The following IRAK1BP1 variants were observed in gnomAD, a reference collection of about 807,000 sequenced individuals.
IRAK1BP1 encodes interleukin 1 receptor associated kinase 1 binding protein 1.
In IRAK1BP1, 24 loss-of-function variants were observed where a neutral mutation model predicts 28.0. That is an observed-to-expected ratio of 0.86 (90% CI 0.62 to 1.20). IRAK1BP1 has a LOEUF of 1.20. Among genes scored for constraint, IRAK1BP1 ranks in the 50% most tolerant of loss-of-function variants. The pLI is 0.00. For missense variants in IRAK1BP1, 336 were observed against 316.7 expected (o/e 1.06, Z -0.46); for synonymous variants, 131 against 116.3 (o/e 1.13, Z -0.81).
intron 1 of IRAK1BP1, among the ~76,000 whole-genome samples, chr6:78,878,103 G>T (rs751457224): frequency 6.6e-6 from 1 of 152,164 alleles, no homozygotes; most frequent in Non-Finnish European, 1.5e-5. Context: ...AGAAACTTCT[G>T]CAGACTTAAA....
chr6:78,956,421 T>G, the IRAK1BP1 span: 11 of 152,272 alleles, frequency 7.2e-5, no homozygotes, highest in African/African-American at 2.6e-4. Flanking sequence ...CAATCTGCTA[T>G]TTATGCTTTT....
the IRAK1BP1 span, among the ~76,000 whole-genome samples, chr6:78,965,154 T>C: frequency 6.6e-6 from 1 of 152,208 alleles, no homozygotes; most frequent in Non-Finnish European, 1.5e-5. Context: ...TGAGCTCTTA[T>C]ATGTGTCAGG....
rs1233847553 is a variant in IRAK1BP1, at chr6:78,898,766, G to A, written c.*432G>A. 1 of 151,832 alleles carries A rather than the reference G, an allele frequency of 6.6e-6. No homozygotes were observed. Among genetic ancestry groups the A allele is most frequent in the Non-Finnish European group, 1.5e-5 (1 of 67,924 alleles). 9.4% of individuals were successfully genotyped at this position (151,832 alleles called of 1,614,324 possible). On this transcript the variant is annotated 3_prime_UTR_variant, in exon 4 of 4. Coordinates refer to ENST00000369940, the MANE Select transcript of IRAK1BP1 (RefSeq NM_001010844.4). Reference sequence around the variant, plus strand: ...ATAAGTTAGCTAAATTTTTTAAATTGTAAGACAAAATTTTTATGGAAAAGA... The same window carrying A: ...ATAAGTTAGCTAAATTTTTTAAATTATAAGACAAAATTTTTATGGAAAAGA...
chr6:78,941,932 G>A (rs1178691864), intron 4 of IRAK1BP1, among the ~76,000 whole-genome samples: 1 of 152,066 alleles, frequency 6.6e-6, no homozygotes, highest in African/African-American at 2.4e-5. Context: ...TAAACCTGAA[G>A]GATCTGGAGA....
the IRAK1BP1 span, among the ~76,000 whole-genome samples, chr6:78,964,223 TA>T: frequency 6.2e-3 from 943 of 151,390 alleles, 7 homozygotes; most frequent in African/African-American, 0.018. Flanking sequence ...AGCAGTGAGA[TA>T]AAAAAAAATA....
At chr6:78,973,306 A>C in the IRAK1BP1 span, among the ~76,000 whole-genome samples, 1,579 of 151,006 alleles carry the variant, frequency 0.01, 16 homozygotes, top group African/African-American at 0.03. Context: ...GAAATAAAAT[A>C]CTTTACAGAC....
At chr6:78,974,455 C>G in the IRAK1BP1 span, among the ~76,000 whole-genome samples, 1 of 151,566 alleles carries the variant, frequency 6.6e-6, no homozygotes, top group Non-Finnish European at 1.5e-5. Flanking sequence ...CCTAACATCA[C>G]AATTAAAAGA....
chr6:78,947,766 C>G (rs749705633), downstream of IRAK1BP1: 1 of 1,606,936 alleles, frequency 6.2e-7, no homozygotes, highest in Non-Finnish European at 8.5e-7. Context: ...TCAATGATGT[C>G]TCTGTAGTCC....
the IRAK1BP1 span, among the ~76,000 whole-genome samples, chr6:78,964,650 G>A: frequency 5.3e-5 from 8 of 151,916 alleles, no homozygotes; most frequent in East Asian, 1.9e-4. Flanking sequence ...ACGCCACCAC[G>A]CCAGGCTAAT....
Position 78,889,116 on chromosome 6 carries a change from C to CAAA in IRAK1BP1, c.381+3689_381+3691dup, listed in dbSNP as rs201870779. On this transcript the variant is annotated intron_variant, in intron 2 of 3. Coordinates refer to ENST00000369940, the MANE Select transcript of IRAK1BP1 (RefSeq NM_001010844.4). ...TGGGCAACAGAGTGAGACTCTGTCT[C>CAAA]AAAAAAAAAAAAAAAAAAGAAAGAA... Among the ~76,000 whole-genome samples, 112 of 78,726 alleles carry CAAA rather than the reference C, an allele frequency of 1.4e-3. 3 individuals carry two copies. The highest frequency in any genetic ancestry group is 2.2e-3 in the Non-Finnish European group (89 of 40,848). The allele number at this position is 78,726 out of a possible 152,430, so 51.6% of individuals were successfully genotyped here. A position where few individuals can be genotyped will look rare whatever the true frequency, so the allele number is the denominator to read the frequency against.
Position 78,898,222 on chromosome 6 carries a change from C to T in IRAK1BP1, c.671C>T (p.Ser224Leu). The change falls in exon 4 of 4, where the codon TCA (serine) becomes TTA (leucine). Residue 224 changes from serine (S) to leucine (L), a missense_variant. Physicochemically the swap from Ser to Leu is moderately radical, Grantham distance 145 (BLOSUM62 -2). Coordinates refer to ENST00000369940, the MANE Select transcript of IRAK1BP1 (RefSeq NM_001010844.4). The part of the protein sequence containing the change: ...QIDDHQSSRL[S>L]SSLTVQQKIK... ...GATGATCACCAGTCATCCAGACTCT[C>T]AAGTTCATTAACTGTACAACAAAAA... 6.2e-7 allele frequency: 1 copy of T among 1,613,476 alleles called. No homozygotes were observed. The highest frequency in any genetic ancestry group is 1.1e-5 in the South Asian group (1 of 91,032).
intron 4 of IRAK1BP1, chr6:78,936,623 A>T (rs1238632667): frequency 6.6e-6 from 1 of 151,894 alleles, no homozygotes; most frequent in Non-Finnish European, 1.5e-5. Context: ...TGCATTAAAA[A>T]AGTATTTCAA....
At position 78,903,085 on chromosome 6, in the gene IRAK1BP1, A is replaced by G; in HGVS notation, c.*4751A>G. The G allele has an allele frequency of 6.6e-7, 1 of 1,505,740 alleles. No individual in the cohort carries two copies. The highest frequency in any genetic ancestry group is 8.9e-7 in the Non-Finnish European group (1 of 1,119,646). 93.3% of individuals were successfully genotyped at this position (1,505,740 alleles called of 1,614,324 possible). A position where few individuals can be genotyped will look rare whatever the true frequency, so the allele number is the denominator to read the frequency against. On this transcript the variant is annotated 3_prime_UTR_variant, in exon 4 of 4. Coordinates refer to ENST00000369940, the MANE Select transcript of IRAK1BP1 (RefSeq NM_001010844.4). Reference sequence around the variant, plus strand: ...TTATCATGAATCCCACATCAAATGAACAAATACTGCCTCTGGACTCTGAAT... The same window carrying G: ...TTATCATGAATCCCACATCAAATGAGCAAATACTGCCTCTGGACTCTGAAT...
downstream of IRAK1BP1, chr6:78,947,613 A>G: frequency 7.8e-7 from 1 of 1,283,810 alleles, no homozygotes; most frequent in Non-Finnish European, 1.1e-6. Flanking sequence ...AAAATAATGT[A>G]ATTATATACC....
At chr6:78,895,143 A>G (rs1413016443) in intron 2 of IRAK1BP1, among the ~76,000 whole-genome samples, 1 of 152,100 alleles carries the variant, frequency 6.6e-6, no homozygotes, top group East Asian at 1.9e-4. Context: ...TGAATCATAC[A>G]AAGTTCACTG....
chr6:78,974,998 A>G, the IRAK1BP1 span, among the ~76,000 whole-genome samples: 3 of 151,688 alleles, frequency 2.0e-5, no homozygotes, highest in African/African-American at 7.3e-5. Flanking sequence ...ATAGAAAAAG[A>G]GGGAATCCCC....
intron 4 of IRAK1BP1, among the ~76,000 whole-genome samples, chr6:78,925,173 G>GT (rs1772853041): frequency 6.6e-6 from 1 of 151,822 alleles, no homozygotes; most frequent in Non-Finnish European, 1.5e-5. Context: ...CTGTTTTGGG[G>GT]TGGGGGTATG....
rs201056891 is a variant in IRAK1BP1, at chr6:78,867,715, C to G, written c.139C>G (p.Gln47Glu). 1.8e-4 allele frequency: 296 copies of G among 1,614,258 alleles called. 3 individuals carry two copies. In the East Asian group the frequency reaches 6.3e-3, roughly 34 times the overall value. The change falls in exon 1 of 4, where the codon CAA becomes GAA. Residue 47 changes from glutamine (Q) to glutamate (E), a missense_variant. Transcript: ENST00000369940. Reference sequence around the variant, plus strand: ...CCACCCCCTCTCCTCAACACAAGCCCAAACTGCTACCCGCGAGGTGCAAGT... The same window carrying G: ...CCACCCCCTCTCCTCAACACAAGCCGAAACTGCTACCCGCGAGGTGCAAGT... The part of the protein sequence containing the change: ...LRHPLSSTQA[Q>E]TATREVQVSG...
At chr6:78,878,174 G>C (rs1167902952) in intron 1 of IRAK1BP1, among the ~76,000 whole-genome samples, 3 of 152,180 alleles carry the variant, frequency 2.0e-5, no homozygotes, top group Non-Finnish European at 2.9e-5. Context: ...TTTGAGATCT[G>C]AGAACGGACA....
Sources: gnomAD v4.1 joint callset for allele counts (sites outside exome capture counted in the v4.1 genomes callset) on GRCh38, gnomAD v4.1.1 for gene constraint, MANE v1.5 for transcripts, NCBI Gene and HGNC (gene_info 2026-07-23, HGNC 2026-07-21) for gene names.